Variants in C10orf53 observed in about 807,000 individuals in gnomAD.
The protein encoded by C10orf53 is UPF0728 protein C10orf53.
Under a neutral mutation model 9.4 loss-of-function variants are expected in C10orf53, and 8 were observed. The observed-to-expected ratio is 0.85, with a 90% CI of 0.50 to 1.53. The LOEUF (loss-of-function observed/expected upper bound fraction) is 1.53. Among genes scored for constraint, C10orf53 ranks in the 40% most tolerant of loss-of-function variants. The pLI is 0.00. For missense variants in C10orf53, 117 were observed against 117.8 expected, an observed-to-expected ratio of 0.99 and a Z score of 0.03; for synonymous variants, 48 against 46.0, an observed-to-expected ratio of 1.04 and a Z score of -0.18.
chr10:49,708,935 G>T, exon 3 of C10orf53: 2 of 306,102 alleles, frequency 6.5e-6, no homozygotes, highest in African/African-American at 4.3e-5. Context: ...CAATGCCAGT[G>T]CTTTCGCCCT....
chr10:49,704,927 A>T (rs1354700718), intron 2 of C10orf53, among the ~76,000 whole-genome samples: 2 of 152,346 alleles, frequency 1.3e-5, no homozygotes, highest in Non-Finnish European at 2.9e-5. Flanking sequence ...CCCTAAAGGG[A>T]TTTGTCCTAA....
At chr10:49,700,244 G>A (rs1840671070), downstream of C10orf53, among the ~76,000 whole-genome samples, 1 of 152,214 alleles carries the variant, frequency 6.6e-6, no homozygotes, top group Admixed American at 6.5e-5. Context: ...GTCTGGGAGG[G>A]ACCCAGGAAT....
rs554250706 is a variant in C10orf53, at chr10:49,694,337, G to C, written c.218-201G>C. The stretch of plus-strand genomic sequence containing the variant: ...ACATTCAAATGAGAGCTTCTGGCCT[G>C]GCAGGCTGGCACTGTGCGTGCCTCT... On this transcript the variant is annotated intron_variant, in intron 2 of 2. Coordinates refer to ENST00000374111, the MANE Select transcript of C10orf53 (RefSeq NM_001042427.3). 2.3e-5 allele frequency: 16 copies of C among 696,276 alleles called. No homozygotes were observed. In the Admixed American group the frequency reaches 2.4e-4, roughly 10 times the overall value. The allele number at this position is 696,276 out of a possible 1,614,324, so 43.1% of individuals were successfully genotyped here. A position where few individuals can be genotyped will look rare whatever the true frequency, so the allele number is the denominator to read the frequency against.
Position 49,697,168 on chromosome 10 carries a change from G to A in C10orf53, c.*2566G>A, listed in dbSNP as rs1840643126. On this transcript the variant is annotated 3_prime_UTR_variant, in exon 3 of 3. Transcript: ENST00000374111. ...AGATCACGCCACTGCACTCCAGCCT[G>A]GGTGACAAAGTGAGACCCTGTCTCA... Among the ~76,000 whole-genome samples, 1 of 152,158 alleles carries A rather than the reference G, an allele frequency of 6.6e-6. No individual in the cohort carries two copies. Among genetic ancestry groups the A allele is most frequent in the Non-Finnish European group, 1.5e-5 (1 of 68,036 alleles).
downstream of C10orf53, among the ~76,000 whole-genome samples, chr10:49,698,290 CAAAA>C (rs1388798381): frequency 6.6e-6 from 1 of 151,992 alleles, no homozygotes; most frequent in Non-Finnish European, 1.5e-5. Flanking sequence ...CCTGTCTCAA[CAAAA>C]AAACAAAAAA....
downstream of C10orf53, among the ~76,000 whole-genome samples, chr10:49,699,129 T>A (rs1358965128): frequency 2.0e-5 from 3 of 151,460 alleles, no homozygotes; most frequent in East Asian, 5.8e-4. Flanking sequence ...AATAGCCCAA[T>A]AATATGTCAA....
In C10orf53 at chr10:49,694,743, G is replaced by A; in HGVS notation, c.*141G>A. On this transcript the variant is annotated 3_prime_UTR_variant, in exon 3 of 3. Coordinates refer to ENST00000374111, the MANE Select transcript of C10orf53 (RefSeq NM_001042427.3). ...CAGGGCAACTCGGGCCTGACCTCCAGCTTACGCAGCCTCAGGATTGTCACC... is the reference window on the plus strand; with the variant it reads ...CAGGGCAACTCGGGCCTGACCTCCAACTTACGCAGCCTCAGGATTGTCACC... The A allele has an allele frequency of 6.9e-7, 1 of 1,457,598 alleles. No individual in the cohort carries two copies. Among genetic ancestry groups the A allele is most frequent in the Non-Finnish European group, 9.0e-7 (1 of 1,106,138 alleles). The allele number at this position is 1,457,598 out of a possible 1,614,324, so 90.3% of individuals were successfully genotyped here.
chr10:49,691,600 G>A (rs1365817641), intron 1 of C10orf53, among the ~76,000 whole-genome samples: 5 of 152,200 alleles, frequency 3.3e-5, no homozygotes, highest in African/African-American at 1.2e-4. Flanking sequence ...TCGAAGATGA[G>A]GTGGACCCCC....
intron 2 of C10orf53, among the ~76,000 whole-genome samples, chr10:49,704,822 G>C (rs912284046): frequency 6.6e-6 from 1 of 152,158 alleles, no homozygotes; most frequent in African/African-American, 2.4e-5. Context: ...TGGTAAACAG[G>C]CACTTGTGCT....
rs11101212 is a variant in C10orf53 at position 49,692,756 on chromosome 10, A to G, written c.98-1018A>G. ...ATGTACATCATTTCTTCTAATCCACACACCTTTGCATTTCCACAATAAAAA... is the reference window on the plus strand; with the variant it reads ...ATGTACATCATTTCTTCTAATCCACGCACCTTTGCATTTCCACAATAAAAA... On this transcript the variant is annotated intron_variant, in intron 1 of 2. Transcript: ENST00000374111. 5.2e-3 allele frequency among the ~76,000 whole-genome samples: 794 copies of G among 152,352 alleles called. 21 individuals carry two copies. In the East Asian group the frequency reaches 0.062, roughly 12 times the overall value.
chr10:49,707,286 C>T (rs976694866), intron 2 of C10orf53, among the ~76,000 whole-genome samples: 1 of 152,152 alleles, frequency 6.6e-6, no homozygotes, highest in African/African-American at 2.4e-5. Context: ...AGAGAAGTGG[C>T]CAAGACTGGG....
At chr10:49,704,803 G>C (rs1222590321) in intron 2 of C10orf53, among the ~76,000 whole-genome samples, 8 of 152,298 alleles carry the variant, frequency 5.3e-5, no homozygotes, top group African/African-American at 1.9e-4. Flanking sequence ...CTCTGTGTTG[G>C]TAAGGATGTG....
intron 2 of C10orf53, 136 bp downstream of exon 2, chr10:49,694,029 G>A (rs1326132513): frequency 3.1e-6 from 4 of 1,280,776 alleles, no homozygotes; most frequent in African/African-American, 2.9e-5. Flanking sequence ...TGTACTGAAA[G>A]CCCTGTGCTT....
chr10:49,703,579 C>T (rs969772185), intron 2 of C10orf53, among the ~76,000 whole-genome samples: 2 of 152,190 alleles, frequency 1.3e-5, no homozygotes, highest in African/African-American at 4.8e-5. Flanking sequence ...AAGGTAGGTG[C>T]TCACGGAGTG....
At chr10:49,697,642 C>T (rs752118612), downstream of C10orf53, among the ~76,000 whole-genome samples, 2 of 152,140 alleles carry the variant, frequency 1.3e-5, no homozygotes, top group African/African-American at 2.4e-5. Context: ...ACCTCTGCCT[C>T]CTGGGTTCAA....
intron 2 of C10orf53, among the ~76,000 whole-genome samples, chr10:49,707,713 C>A (rs1840732640): frequency 6.6e-6 from 1 of 152,214 alleles, no homozygotes; most frequent in Admixed American, 6.5e-5. Context: ...TGATTGTTGT[C>A]TTTTCTGAAG....
downstream of C10orf53, among the ~76,000 whole-genome samples, chr10:49,697,752 A>G (rs780361893): frequency 3.9e-5 from 6 of 152,090 alleles, no homozygotes; most frequent in Non-Finnish European, 8.8e-5. Flanking sequence ...GGCTTTCTCC[A>G]TGTTGGCCAG....
chr10:49,706,540 T>G (rs2132893485), intron 2 of C10orf53, among the ~76,000 whole-genome samples: 1 of 152,156 alleles, frequency 6.6e-6, no homozygotes, highest in African/African-American at 2.4e-5. Context: ...AGACAGAAAG[T>G]GGATTAGTGG....
chr10:49,694,970 C>T lies in C10orf53; in HGVS notation c.*368C>T. ...ATCTGAGATTCCATTGTTTAGTACT[C>T]AAAGTGCTCAGAACAGGTGAAATTA... On this transcript the variant is annotated 3_prime_UTR_variant, in exon 3 of 3. Coordinates refer to ENST00000374111, the MANE Select transcript of C10orf53 (RefSeq NM_001042427.3). The T allele has an allele frequency of 2.0e-6, 2 of 1,020,764 alleles. No homozygotes were observed. Among genetic ancestry groups the T allele is most frequent in the South Asian group, 8.5e-5 (2 of 23,576 alleles). The allele number at this position is 1,020,764 out of a possible 1,614,324, so 63.2% of individuals were successfully genotyped here.
Sources: allele counts gnomAD v4.1 joint callset (sites outside exome capture counted in the v4.1 genomes callset), GRCh38; gene constraint gnomAD v4.1.1; transcripts MANE v1.5; gene names NCBI Gene and HGNC (gene_info 2026-07-23, HGNC 2026-07-21).